Variants in DERA observed in about 807,000 individuals in gnomAD.
DERA encodes deoxyribose-phosphate aldolase.
DERA carries 15 observed loss-of-function variants against 41.1 expected under a neutral mutation model. The ratio of observed to expected loss-of-function variants is 0.37; its 90% CI spans 0.24 to 0.56. The LOEUF (loss-of-function observed/expected upper bound fraction) is 0.56, where lower values mean the gene tolerates loss of function less well. Ranked by LOEUF, DERA falls within the 20% of genes least tolerant of loss-of-function variation. The probability of loss-of-function intolerance (pLI) is 0.81; values close to 1 mark genes in which losing one functional copy is unlikely to be tolerated. For missense variants in DERA, 396 were observed against 403.4 expected (o/e 0.98, Z 0.16); for synonymous variants, 139 against 137.4 (o/e 1.01, Z -0.08).
rs1298002723 is a variant in DERA, at chr12:15,938,436, A to G, written c.32-18500A>G. On this transcript the variant is annotated intron_variant, in intron 1 of 8. Coordinates refer to ENST00000428559, the MANE Select transcript of DERA (RefSeq NM_015954.4). The surrounding 1 kb of genome is among the most constrained non-coding windows in gnomAD (Gnocchi z 4.1). Reference sequence around the variant, plus strand: ...CATCAAAGCCAAAAAATGTATTTATATTATCTCAGCATTATAAAACAACAC... The same window carrying G: ...CATCAAAGCCAAAAAATGTATTTATGTTATCTCAGCATTATAAAACAACAC... Among the ~76,000 whole-genome samples the G allele has an allele frequency of 6.6e-6, 1 of 152,200 alleles. No individual in the cohort carries two copies. The highest frequency in any genetic ancestry group is 1.5e-5 in the Non-Finnish European group (1 of 68,036).
At chr12:16,016,881 AT>A (rs1338069032) in intron 6 of DERA, among the ~76,000 whole-genome samples, 3 of 150,688 alleles carry the variant, frequency 2.0e-5, no homozygotes, top group Non-Finnish European at 4.4e-5. Context: ...TTAGTAACTT[AT>A]TTCTGGCATT....
At position 16,010,854 on chromosome 12, in the gene DERA, AAGAC is replaced by A. The variant is rs1217752749; in HGVS notation, c.638-21685_638-21682del. 6.6e-6 allele frequency among the ~76,000 whole-genome samples: 1 copy of A among 151,992 alleles called. No individual in the cohort carries two copies. Among genetic ancestry groups the A allele is most frequent in the Non-Finnish European group, 1.5e-5 (1 of 68,034 alleles). ...AAAATTAACACAACTTCTTTTATGA[AAGAC>A]AGGTCACTGTAAAAAGAAACTCTAC... On this transcript the variant is annotated intron_variant, in intron 6 of 8. Coordinates refer to ENST00000428559, the MANE Select transcript of DERA (RefSeq NM_015954.4). This position sits in a 1 kb window ranked among gnomAD's most constrained non-coding sequence, Gnocchi z 5.5.
At chr12:15,923,675 A>G (rs1948261962) in intron 1 of DERA, among the ~76,000 whole-genome samples, 1 of 150,016 alleles carries the variant, frequency 6.7e-6, no homozygotes, top group African/African-American at 2.4e-5. Context: ...ATTCCTCTGC[A>G]TGGCAGAATA....
At chr12:15,978,050 C>G (rs982157151) in intron 5 of DERA, among the ~76,000 whole-genome samples, 2 of 152,196 alleles carry the variant, frequency 1.3e-5, no homozygotes, top group Non-Finnish European at 2.9e-5. Flanking sequence ...AAAACCTGCT[C>G]ATTCGTTTTT....
chr12:15,990,739 A>G lies in DERA; in HGVS notation c.637+8303A>G, dbSNP rs948399512. Among the ~76,000 whole-genome samples the G allele has an allele frequency of 2.0e-5, 3 of 152,102 alleles. No homozygotes were observed. Among genetic ancestry groups the G allele is most frequent in the Non-Finnish European group, 4.4e-5 (3 of 68,020 alleles). The stretch of plus-strand genomic sequence containing the variant: ...GTTCCCGTGTTAGTTTGCTAAGGAT[A>G]ATGGCCTCCAGCTCCATCCATGTCC... On this transcript the variant is annotated intron_variant, in intron 6 of 8. Coordinates refer to ENST00000428559, the MANE Select transcript of DERA (RefSeq NM_015954.4). The surrounding 1 kb of genome is among the most constrained non-coding windows in gnomAD (Gnocchi z 4.3).
At position 15,921,929 on chromosome 12, in the gene DERA, A is replaced by G. The variant is rs1591998846; in HGVS notation, c.31+10515A>G. 1.3e-4 allele frequency among the ~76,000 whole-genome samples: 1 copy of G among 7,516 alleles called. No individual in the cohort carries two copies. Among genetic ancestry groups the G allele is most frequent in the Non-Finnish European group, 6.1e-4 (1 of 1,634 alleles). The allele number at this position is 7,516 out of a possible 152,430, so 4.9% of individuals were successfully genotyped here. A position where few individuals can be genotyped will look rare whatever the true frequency, so the allele number is the denominator to read the frequency against. On this transcript the variant is annotated intron_variant, in intron 1 of 8. Transcript: ENST00000428559. This position sits in a 1 kb window ranked among gnomAD's most constrained non-coding sequence, Gnocchi z 5.3. ...TGACGAGCAAAACTCCATCTCAGAT[A>G]ATAATAATAATAATAAATAATTTTC...
At position 16,010,907 on chromosome 12, in the gene DERA, A is replaced by G. The variant is rs1178707681; in HGVS notation, c.638-21635A>G. ...ACCCACTTATCATCAATTGTTGAAA[A>G]AAAAGATTTATGATGACATTGAGGT... is the stretch of plus-strand genomic sequence containing the variant. On this transcript the variant is annotated intron_variant, in intron 6 of 8. Transcript: ENST00000428559. This position sits in a 1 kb window ranked among gnomAD's most constrained non-coding sequence, Gnocchi z 5.5. Among the ~76,000 whole-genome samples, 1 of 146,990 alleles carries G rather than the reference A, an allele frequency of 6.8e-6. No individual in the cohort carries two copies. The highest frequency in any genetic ancestry group is 6.6e-5 in the Admixed American group (1 of 15,104).
At position 15,996,904 on chromosome 12, in the gene DERA, AT is replaced by A. The variant is rs1445624745; in HGVS notation, c.637+14471del. ...TTAAATATTTTTATCTGCAAAAAGCATTTGGTAAGGTTCTCAATGGGAGATT... is the reference window on the plus strand; with the variant it reads ...TTAAATATTTTTATCTGCAAAAAGCATTGGTAAGGTTCTCAATGGGAGATT... On this transcript the variant is annotated intron_variant, in intron 6 of 8. Transcript: ENST00000428559. The surrounding 1 kb of genome is among the most constrained non-coding windows in gnomAD (Gnocchi z 4.7). Among the ~76,000 whole-genome samples, 8 of 152,316 alleles carry A rather than the reference AT, an allele frequency of 5.3e-5. No homozygotes were observed. In the East Asian group the frequency reaches 1.5e-3, roughly 29 times the overall value.
chr12:15,968,086 CT>C (rs368286741), intron 5 of DERA, among the ~76,000 whole-genome samples: 313 of 141,730 alleles, frequency 2.2e-3, no homozygotes, highest in Middle Eastern at 3.7e-3. Flanking sequence ...TCTTCTTCTT[CT>C]TTTTTTTTTT....
chr12:15,922,884 C>T lies in DERA; in HGVS notation c.31+11470C>T. On this transcript the variant is annotated intron_variant, in intron 1 of 8. Transcript: ENST00000428559. This position sits in a 1 kb window ranked among gnomAD's most constrained non-coding sequence, Gnocchi z 4.9. The stretch of plus-strand genomic sequence containing the variant: ...CATCAGTTGTAAGGTTTATACCACT[C>T]TGGTGGGGGATGTTGATAATGGGGG... Among the ~76,000 whole-genome samples, 1 of 151,950 alleles carries T rather than the reference C, an allele frequency of 6.6e-6. No homozygotes were observed.
intron 1 of DERA, among the ~76,000 whole-genome samples, chr12:15,923,802 G>C (rs1433198938): frequency 1.3e-5 from 2 of 151,480 alleles, no homozygotes; most frequent in Non-Finnish European, 2.9e-5. Context: ...CACAATGGTG[G>C]CTTCATAGCT....
intron 6 of DERA, among the ~76,000 whole-genome samples, chr12:16,027,669 T>C (rs1949062044): frequency 6.6e-6 from 1 of 152,178 alleles, no homozygotes; most frequent in Non-Finnish European, 1.5e-5. Context: ...CTGCTGACAC[T>C]TTTATTTTGG....
Position 16,025,292 on chromosome 12 carries a change from T to C in DERA, c.638-7250T>C, listed in dbSNP as rs575184215. Among the ~76,000 whole-genome samples the C allele has an allele frequency of 8.6e-4, 131 of 152,244 alleles. 1 individual carries two copies. Among genetic ancestry groups the C allele is most frequent in the African/African-American group, 3.1e-3 (127 of 41,570 alleles). On this transcript the variant is annotated intron_variant, in intron 6 of 8. Coordinates refer to ENST00000428559, the MANE Select transcript of DERA (RefSeq NM_015954.4). Reference sequence around the variant, plus strand: ...ATGATAAAAAATCAAGATCCTACTATATGTTGTCTGTAAGAAAGCCACTTT... The same window carrying C: ...ATGATAAAAAATCAAGATCCTACTACATGTTGTCTGTAAGAAAGCCACTTT...
In DERA at chr12:16,017,851, T is replaced by G. The variant is rs965439108; in HGVS notation, c.638-14691T>G. Among the ~76,000 whole-genome samples, 1 of 152,174 alleles carries G rather than the reference T, an allele frequency of 6.6e-6. No homozygotes were observed. The highest frequency in any genetic ancestry group is 6.5e-5 in the Admixed American group (1 of 15,278). Reference sequence around the variant, plus strand: ...GAATAATGTACCCAAAAGCTCTTATTATAGGGTTGGTATGAATTCCACTTA... The same window carrying G: ...GAATAATGTACCCAAAAGCTCTTATGATAGGGTTGGTATGAATTCCACTTA... On this transcript the variant is annotated intron_variant, in intron 6 of 8. Transcript: ENST00000428559. The surrounding 1 kb of genome is among the most constrained non-coding windows in gnomAD (Gnocchi z 5.5).
intron 4 of DERA, among the ~76,000 whole-genome samples, chr12:15,960,566 G>A (rs1387859013): frequency 7.0e-6 from 1 of 142,872 alleles, no homozygotes. Flanking sequence ...GAACCTGGGA[G>A]GCAGAGGTTG....
intron 6 of DERA, among the ~76,000 whole-genome samples, chr12:15,987,394 G>A (rs1592036252): frequency 6.6e-6 from 1 of 151,706 alleles, no homozygotes; most frequent in Non-Finnish European, 1.5e-5. Context: ...ACACTACCAC[G>A]CCTGGCTAAT....
intron 4 of DERA, among the ~76,000 whole-genome samples, chr12:15,961,778 C>G (rs980695046): frequency 6.6e-6 from 1 of 152,186 alleles, no homozygotes; most frequent in Non-Finnish European, 1.5e-5. Flanking sequence ...GAGTCTCGCT[C>G]TATCACCCAG....
In DERA at chr12:16,021,886, G is replaced by A. The variant is rs1949019222; in HGVS notation, c.638-10656G>A. 6.6e-6 allele frequency among the ~76,000 whole-genome samples: 1 copy of A among 152,144 alleles called. No individual in the cohort carries two copies. Among genetic ancestry groups the A allele is most frequent in the Non-Finnish European group, 1.5e-5 (1 of 68,032 alleles). On this transcript the variant is annotated intron_variant, in intron 6 of 8. Transcript: ENST00000428559. This position sits in a 1 kb window ranked among gnomAD's most constrained non-coding sequence, Gnocchi z 5.3. ...GAAGTATAACTTGTTTTTGATCTCA[G>A]GCTGACAGGTGGAAGGAACTCATCT...
At chr12:16,005,241 T>G (rs1948901210) in intron 6 of DERA, among the ~76,000 whole-genome samples, 1 of 152,034 alleles carries the variant, frequency 6.6e-6, no homozygotes, top group African/African-American at 2.4e-5. Flanking sequence ...GCCAGGAGTT[T>G]GAGACCAGCC....
Sources: allele counts gnomAD v4.1 joint callset (sites outside exome capture counted in the v4.1 genomes callset), GRCh38; gene constraint gnomAD v4.1.1; non-coding constraint Gnocchi (gnomAD v3.1); transcripts MANE v1.5; gene names NCBI Gene and HGNC (gene_info 2026-07-23, HGNC 2026-07-21).